The following DIP2C variants were observed in gnomAD, a reference collection of about 807,000 sequenced individuals.
DIP2C encodes DIP2 acetate--CoA ligase C (putative), also known as disco-interacting protein 2 homolog C.
A neutral mutation model predicts 192.4 loss-of-function variants in DIP2C; 33 were observed. The observed-to-expected ratio is 0.17, with a 90% CI of 0.13 to 0.23. The LOEUF is 0.23. Ranked by LOEUF, DIP2C falls within the 10% of genes least tolerant of loss-of-function variation. The pLI, the probability that DIP2C is intolerant of heterozygous loss-of-function variation, is 1.00. For synonymous variants in DIP2C, 979 were observed against 864.1 expected (o/e 1.13, Z -2.33); for missense variants, 1,537 against 2,110.1 (o/e 0.73, Z 5.32).
At chr10:436,857 A>G (rs1428584866) in intron 4 of DIP2C, among the ~76,000 whole-genome samples, 49 of 94,286 alleles carry the variant, frequency 5.2e-4, no homozygotes, top group South Asian at 1.1e-3. Flanking sequence ...TCTGAGCTCC[A>G]CCTCCTGGAC....
At position 362,566 on chromosome 10, in the gene DIP2C, A is replaced by G; in HGVS notation, c.2718T>C (p.Ser906=). Residue 906 remains serine, a synonymous_variant, in exon 22 of 37, where the codon TCT becomes TCC. Transcript: ENST00000280886. ...ACATTAGGACATTGCAGGGGTGCAG[A>G]GAGCCCTCCAGAAAAAGCTGTTTTG... ...SETKQLFLEG[S]LHPCNVLMCP... 6.2e-7 allele frequency: 1 copy of G among 1,614,184 alleles called. No individual in the cohort carries two copies.
At chr10:427,202 A>G (rs796937452) in intron 4 of DIP2C, among the ~76,000 whole-genome samples, 14 of 152,198 alleles carry the variant, frequency 9.2e-5, no homozygotes, top group African/African-American at 3.4e-4. Flanking sequence ...GTCTTTCCCA[A>G]CCTCTAGAGG....
Position 356,381 on chromosome 10 carries a change from G to A in DIP2C, c.2985+45C>T, listed in dbSNP as rs187499405. ...GGAGCGCTCCCAGGAACCAGGCTAGGCCCCTTGAGGCCAGTAGCCAGGGAA... is the reference window on the plus strand; with the variant it reads ...GGAGCGCTCCCAGGAACCAGGCTAGACCCCTTGAGGCCAGTAGCCAGGGAA... On this transcript the variant is annotated intron_variant, in intron 24 of 36. Coordinates refer to ENST00000280886, the MANE Select transcript of DIP2C (RefSeq NM_014974.3). The A allele has an allele frequency of 1.1e-3, 1,776 of 1,601,588 alleles. 19 individuals are homozygous for A. In the East Asian group the frequency reaches 0.013, roughly 11 times the overall value.
intron 1 of DIP2C, among the ~76,000 whole-genome samples, chr10:580,053 T>C: frequency 6.6e-6 from 1 of 152,160 alleles, no homozygotes; most frequent in Non-Finnish European, 1.5e-5. Context: ...TACACAGGTA[T>C]ACTATAACCT....
intron 4 of DIP2C, 99 bp from the exon 5 acceptor site, chr10:423,132 A>G: frequency 8.6e-7 from 1 of 1,165,696 alleles, no homozygotes. Flanking sequence ...CGTAAGTCTC[A>G]ATAGTTGTTC....
intron 21 of DIP2C, 76 bp from the exon 22 acceptor site, chr10:362,767 G>T: frequency 6.9e-7 from 1 of 1,443,970 alleles, no homozygotes; most frequent in South Asian, 1.3e-5. Flanking sequence ...TGCAAAATAT[G>T]ATCCACAATA....
chr10:542,755 T>C (rs1470974848), intron 1 of DIP2C, among the ~76,000 whole-genome samples: 5 of 150,978 alleles, frequency 3.3e-5, no homozygotes, highest in Non-Finnish European at 5.9e-5. Context: ...GAGTGGGGGG[T>C]TCTGACCTTG....
At chr10:415,705 AAT>A (rs1350937417) in intron 7 of DIP2C, 62 bp downstream of exon 7, 9 of 1,579,128 alleles carry the variant, frequency 5.7e-6, no homozygotes, top group Non-Finnish European at 7.8e-6. Flanking sequence ...TGCAGAAAAA[AAT>A]ATCATTGTTT....
intron 1 of DIP2C, among the ~76,000 whole-genome samples, chr10:581,537 T>C (rs1332713677): frequency 6.6e-6 from 1 of 152,192 alleles, no homozygotes; most frequent in Non-Finnish European, 1.5e-5. Flanking sequence ...GATACAAGTA[T>C]CTGGAAGATT....
At chr10:446,865 G>A (rs1968267158) in intron 3 of DIP2C, among the ~76,000 whole-genome samples, 1 of 152,088 alleles carries the variant, frequency 6.6e-6, no homozygotes. Flanking sequence ...TCAATGTAGT[G>A]AATTACATTG....
chr10:431,372 C>T (rs1966853861), intron 4 of DIP2C, among the ~76,000 whole-genome samples: 1 of 152,218 alleles, frequency 6.6e-6, no homozygotes, highest in Non-Finnish European at 1.5e-5. Flanking sequence ...TGTAGTTTTC[C>T]TCATAAGATC....
At position 664,903 on chromosome 10, in the gene DIP2C, T is replaced by C. The variant is rs570755528; in HGVS notation, c.85+24591A>G. ...GAGTTCTCACAGACTCCTGAAGGAA[T>C]ATATAGTAATAAAGCTCAAAAAGTA... On this transcript the variant is annotated intron_variant, in intron 1 of 36. Transcript: ENST00000280886. 202 of 152,184 alleles carry C rather than the reference T, an allele frequency of 1.3e-3. 2 individuals carry two copies. Among genetic ancestry groups the C allele is most frequent in the African/African-American group, 4.7e-3 (197 of 41,504 alleles). The allele number at this position is 152,184 out of a possible 1,614,324, so 9.4% of individuals were successfully genotyped here.
Position 382,711 on chromosome 10 carries a change from G to A in DIP2C, c.1927C>T (p.Leu643Phe). ...AFLNVFQSKGLRQEVICPCAS... is the reference protein window; with the variant it reads ...AFLNVFQSKGFRQEVICPCAS... ...CAAGGACAGATGACCTCCTGTCGAA[G>A]GCCTTTACTTTGGAAGACATTGAGA... The change falls in exon 17 of 37, where the codon CTT becomes TTT. Residue 643 changes from leucine to phenylalanine, a missense_variant. Around this residue, in one of 4 missense-constraint regions of DIP2C, gnomAD observed 677 missense variants for 989.9 expected, o/e 0.68. Coordinates refer to ENST00000280886, the MANE Select transcript of DIP2C (RefSeq NM_014974.3). 6.2e-7 allele frequency: 1 copy of A among 1,613,892 alleles called. No individual in the cohort carries two copies. The highest frequency in any genetic ancestry group is 8.5e-7 in the Non-Finnish European group (1 of 1,179,934).
intron 1 of DIP2C, among the ~76,000 whole-genome samples, chr10:502,113 T>TCCA (rs1564794914): frequency 6.6e-6 from 1 of 152,174 alleles, no homozygotes; most frequent in Non-Finnish European, 1.5e-5. Context: ...ACCACTATAC[T>TCCA]CCAGCATGGG....
chr10:624,515 T>C (rs183644809), intron 1 of DIP2C, among the ~76,000 whole-genome samples: 10 of 152,264 alleles, frequency 6.6e-5, no homozygotes, highest in African/African-American at 2.2e-4. Flanking sequence ...AGTGCCTTTC[T>C]AGGGTGTACG....
chr10:357,376 G>A (rs1032990694), intron 23 of DIP2C, among the ~76,000 whole-genome samples: 4 of 152,162 alleles, frequency 2.6e-5, no homozygotes, highest in African/African-American at 4.8e-5. Flanking sequence ...AAGCTGCTGT[G>A]GGCAGGGTGG....
intron 1 of DIP2C, among the ~76,000 whole-genome samples, chr10:519,715 C>T (rs924919451): frequency 6.6e-6 from 1 of 152,270 alleles, no homozygotes; most frequent in Non-Finnish European, 1.5e-5. Context: ...CACCTGAGCT[C>T]ATTAGGGACA....
chr10:547,453 G>T (rs151096670), intron 1 of DIP2C, among the ~76,000 whole-genome samples: 1 of 152,182 alleles, frequency 6.6e-6, no homozygotes, highest in African/African-American at 2.4e-5. Context: ...AGGAAGGAAG[G>T]TTGACAGCGA....
At chr10:423,069 A>T (rs113336366) in intron 4 of DIP2C, 36 bp from the exon 5 acceptor site, 1 of 1,546,054 alleles carries the variant, frequency 6.5e-7, no homozygotes, top group Non-Finnish European at 8.8e-7. Flanking sequence ...TGTATGTTGC[A>T]GCAAAAACGT....
Sources: allele counts gnomAD v4.1 joint callset (sites outside exome capture counted in the v4.1 genomes callset), GRCh38; gene constraint gnomAD v4.1.1; regional missense constraint gnomAD v4.1.1; transcripts MANE v1.5; gene names NCBI Gene and HGNC (gene_info 2026-07-23, HGNC 2026-07-21).